The following AKAP19 variants were observed in gnomAD, a reference collection of about 807,000 sequenced individuals.
The protein encoded by AKAP19 is small A-kinase anchoring protein.
chr2:190,072,711 C>T, the AKAP19 span, among the ~76,000 whole-genome samples: 14 of 152,246 alleles, frequency 9.2e-5, no homozygotes, highest in African/African-American at 3.4e-4. Flanking sequence ...AAAAAATCAA[C>T]ATCTCTTCTT....
the AKAP19 span, chr2:189,924,279 C>G: frequency 8.7e-7 from 1 of 1,145,590 alleles, no homozygotes; most frequent in Non-Finnish European, 1.3e-6. Context: ...TGTCTAAGAT[C>G]AAATTTTTCA....
the AKAP19 span, among the ~76,000 whole-genome samples, chr2:189,898,944 A>G: frequency 6.6e-6 from 1 of 152,154 alleles, no homozygotes; most frequent in Non-Finnish European, 1.5e-5. Flanking sequence ...TGACCTCCAT[A>G]TACATTTTCA....
At chr2:190,167,536 G>A in the AKAP19 span, among the ~76,000 whole-genome samples, 3 of 152,154 alleles carry the variant, frequency 2.0e-5, no homozygotes, top group African/African-American at 7.2e-5. Context: ...GAGACTCTGA[G>A]ACAAGGCAAG....
At chr2:190,180,428 C>T in the AKAP19 span, 1 of 977,992 alleles carries the variant, frequency 1.0e-6, no homozygotes, top group Non-Finnish European at 1.2e-6. This position sits in a 1 kb window ranked among gnomAD's most constrained non-coding sequence, Gnocchi z 6.8. Flanking sequence ...GAGTTCGCAG[C>T]CCAGGGGGCC....
the AKAP19 span, among the ~76,000 whole-genome samples, chr2:189,995,005 T>A: frequency 6.6e-6 from 1 of 152,218 alleles, no homozygotes; most frequent in Non-Finnish European, 1.5e-5. Context: ...TTGATATAAT[T>A]TTGATTTTCT....
chr2:190,000,861 TG>T, the AKAP19 span, among the ~76,000 whole-genome samples: 2 of 152,146 alleles, frequency 1.3e-5, no homozygotes, highest in African/African-American at 4.8e-5. Context: ...TTATCTTACT[TG>T]GGGTTTATTG....
the AKAP19 span, among the ~76,000 whole-genome samples, chr2:189,944,096 G>A: frequency 1.3e-5 from 2 of 152,176 alleles, no homozygotes; most frequent in African/African-American, 4.8e-5. Context: ...TTTGCAGTGT[G>A]AGACGGACAT....
chr2:190,167,862 G>A, the AKAP19 span, among the ~76,000 whole-genome samples: 13 of 152,312 alleles, frequency 8.5e-5, no homozygotes, highest in East Asian at 5.8e-4. Context: ...ATGGGCTGGC[G>A]TTCAGTGTAT....
At chr2:189,998,771 C>CTTT in the AKAP19 span, among the ~76,000 whole-genome samples, 681 of 97,516 alleles carry the variant, frequency 7.0e-3, 27 homozygotes, top group African/African-American at 0.023. Flanking sequence ...TTCTTTCTTT[C>CTTT]TTTTTTTTTT....
chr2:190,192,672 TCTTTA>T, the AKAP19 span, among the ~76,000 whole-genome samples: 16 of 152,098 alleles, frequency 1.1e-4, no homozygotes, highest in Non-Finnish European at 2.4e-4. Flanking sequence ...TTGTTTAGGT[TCTTTA>T]CTTTTTCTCA....
At chr2:189,893,770 T>TG in the AKAP19 span, among the ~76,000 whole-genome samples, 1 of 151,986 alleles carries the variant, frequency 6.6e-6, no homozygotes, top group African/African-American at 2.4e-5. Context: ...TCAAAACATT[T>TG]GGGGAAAAAA....
the AKAP19 span, among the ~76,000 whole-genome samples, chr2:189,908,446 C>G: frequency 1.3e-5 from 2 of 152,160 alleles, no homozygotes; most frequent in Non-Finnish European, 2.9e-5. Flanking sequence ...ATCTGCCCAC[C>G]TTGGCCTCCC....
At chr2:189,980,872 A>G in the AKAP19 span, among the ~76,000 whole-genome samples, 3 of 152,164 alleles carry the variant, frequency 2.0e-5, no homozygotes, top group African/African-American at 7.2e-5. Context: ...TTATTTTATT[A>G]TGGTTCAAGA....
the AKAP19 span, among the ~76,000 whole-genome samples, chr2:190,188,066 T>G: frequency 6.6e-6 from 1 of 152,196 alleles, no homozygotes; most frequent in Non-Finnish European, 1.5e-5. Flanking sequence ...GTCTGTGCAT[T>G]GTGATTTGAG....
the AKAP19 span, among the ~76,000 whole-genome samples, chr2:190,140,802 C>A: frequency 7.2e-5 from 11 of 152,280 alleles, no homozygotes; most frequent in East Asian, 1.5e-3. Flanking sequence ...TCCTCATTAC[C>A]TATGCAAATT....
the AKAP19 span, among the ~76,000 whole-genome samples, chr2:190,083,092 C>T: frequency 6.6e-6 from 1 of 152,128 alleles, no homozygotes; most frequent in African/African-American, 2.4e-5. Flanking sequence ...AAAATCTACT[C>T]TCTTGGCAGG....
At chr2:190,052,225 G>A in the AKAP19 span, among the ~76,000 whole-genome samples, 1 of 152,112 alleles carries the variant, frequency 6.6e-6, no homozygotes, top group Admixed American at 6.5e-5. Context: ...TAGGGTGCAG[G>A]CAGCCATATA....
the AKAP19 span, among the ~76,000 whole-genome samples, chr2:190,090,118 G>A: frequency 6.6e-6 from 1 of 152,038 alleles, no homozygotes; most frequent in Non-Finnish European, 1.5e-5. Flanking sequence ...TGCTCCTTTG[G>A]GAGAGACTGA....
At chr2:190,037,923 T>C in the AKAP19 span, among the ~76,000 whole-genome samples, 1 of 152,196 alleles carries the variant, frequency 6.6e-6, no homozygotes, top group Non-Finnish European at 1.5e-5. Flanking sequence ...TTTTTTTAAA[T>C]GAAAACTGTA....
Sources: allele counts gnomAD v4.1 joint callset (sites outside exome capture counted in the v4.1 genomes callset), GRCh38; gene constraint gnomAD v4.1.1; non-coding constraint Gnocchi (gnomAD v3.1); transcripts MANE v1.5; gene names NCBI Gene and HGNC (gene_info 2026-07-23, HGNC 2026-07-21).